Variants in SIK3 observed in about 807,000 individuals in gnomAD.
The protein encoded by SIK3 is serine/threonine-protein kinase SIK3.
Under a neutral mutation model 144.2 loss-of-function variants are expected in SIK3, and 28 were observed. The ratio of observed to expected loss-of-function variants is 0.19; its 90% CI spans 0.14 to 0.27. The LOEUF is 0.27. Among genes scored for constraint, SIK3 ranks in the 10% least tolerant of loss-of-function variants. The pLI, the probability that SIK3 is intolerant of heterozygous loss-of-function variation, is 1.00. For synonymous variants in SIK3, 686 were observed against 676.3 expected (o/e 1.01, Z -0.22); for missense variants, 1,319 against 1,776.0 (o/e 0.74, Z 4.62).
At chr11:116,961,678 A>G (rs1426292700) in intron 1 of SIK3, among the ~76,000 whole-genome samples, 1 of 152,128 alleles carries the variant, frequency 6.6e-6, no homozygotes, top group Admixed American at 6.5e-5. Context: ...CCAAGAGACC[A>G]TATATTTCCT....
intron 21 of SIK3, among the ~76,000 whole-genome samples, chr11:116,856,718 G>A (rs1007831530): frequency 3.3e-5 from 5 of 152,302 alleles, no homozygotes; most frequent in East Asian, 1.9e-4. Context: ...CCCTAAGAGC[G>A]CATAATGAGT....
chr11:117,017,690 T>C (rs1212582546), intron 1 of SIK3, among the ~76,000 whole-genome samples: 1 of 152,100 alleles, frequency 6.6e-6, no homozygotes, highest in Non-Finnish European at 1.5e-5. Flanking sequence ...CCTTTGCACC[T>C]AAAGGAGGTA....
At chr11:116,973,016 T>C (rs546856623) in intron 1 of SIK3, among the ~76,000 whole-genome samples, 4 of 152,228 alleles carry the variant, frequency 2.6e-5, no homozygotes, top group East Asian at 1.9e-4. Context: ...AACAAAAAGC[T>C]GGGATCCTCA....
rs987699590 is a variant in SIK3, at chr11:117,026,649, T to G, written c.274-69585A>C. Among the ~76,000 whole-genome samples, 4 of 152,200 alleles carry G rather than the reference T, an allele frequency of 2.6e-5. No homozygotes were observed. The South Asian group carries it at 6.2e-4, about 24-fold the overall frequency. ...TGAACCTCCAGGTCAGATGTAAATA[T>G]AATTTGATGAAGTCATCTAACCTAC... On this transcript the variant is annotated intron_variant, in intron 1 of 24. Coordinates refer to ENST00000445177, the MANE Select transcript of SIK3 (RefSeq NM_001366686.3).
At chr11:117,011,178 G>A (rs1951237644) in intron 1 of SIK3, among the ~76,000 whole-genome samples, 1 of 151,960 alleles carries the variant, frequency 6.6e-6, no homozygotes, top group South Asian at 2.1e-4. Flanking sequence ...AATTTTAAAA[G>A]AAGAAAAAAG....
rs1051028447 is a variant in SIK3 at position 116,859,174 on chromosome 11, C to T, written c.2765+91G>A. ...AGAGCACAGCCTAGTCAGACCCATT[C>T]TCCTTCCCTCCTTTTCTCTCACTCT... On this transcript the variant is annotated intron_variant, in intron 20 of 24. Coordinates refer to ENST00000445177, the MANE Select transcript of SIK3 (RefSeq NM_001366686.3). 3 of 1,207,894 alleles carry T rather than the reference C, an allele frequency of 2.5e-6. No individual in the cohort carries two copies. The African/African-American group carries it at 4.5e-5, about 18-fold the overall frequency. The allele number at this position is 1,207,894 out of a possible 1,614,324, so 74.8% of individuals were successfully genotyped here.
chr11:116,915,122 A>ATGTGTGTGTGTGTGTG (rs1423283335), intron 4 of SIK3, among the ~76,000 whole-genome samples: 25 of 100,064 alleles, frequency 2.5e-4, no homozygotes, highest in Admixed American at 5.9e-4. Context: ...AGGAAGCCAT[A>ATGTGTGTGTGTGTGTG]TATGTGTGTG....
chr11:117,077,265 A>G (rs558294282), intron 1 of SIK3, among the ~76,000 whole-genome samples: 12 of 152,352 alleles, frequency 7.9e-5, no homozygotes, highest in Non-Finnish European at 1.0e-4. Flanking sequence ...CAAGCAGGTT[A>G]TTTTTGGACC....
chr11:116,876,684 T>C (rs531659514), intron 7 of SIK3, among the ~76,000 whole-genome samples: 2 of 152,318 alleles, frequency 1.3e-5, no homozygotes, highest in East Asian at 3.9e-4. Flanking sequence ...GGCTGTGCTA[T>C]CTCAAAAGCC....
At chr11:116,992,314 G>GCC (rs1337896123) in intron 1 of SIK3, among the ~76,000 whole-genome samples, 1 of 115,302 alleles carries the variant, frequency 8.7e-6, no homozygotes, top group Non-Finnish European at 1.7e-5. Flanking sequence ...AACAGAGCAA[G>GCC]ACCCCCCCCC....
intron 3 of SIK3, among the ~76,000 whole-genome samples, chr11:116,947,120 TATATATA>T (rs1274554712): frequency 1.5e-4 from 1 of 6,896 alleles, no homozygotes; most frequent in African/African-American, 3.6e-4. Flanking sequence ...CAAAAAAATA[TATATATA>T]ATATATAAAT....
intron 1 of SIK3, among the ~76,000 whole-genome samples, chr11:116,979,276 A>G (rs553026600): frequency 3.3e-5 from 5 of 152,220 alleles, no homozygotes; most frequent in African/African-American, 1.2e-4. Context: ...GATCTTTCAT[A>G]TGTTCATGAA....
At chr11:116,940,387 G>A (rs967503765) in intron 3 of SIK3, among the ~76,000 whole-genome samples, 3 of 151,786 alleles carry the variant, frequency 2.0e-5, no homozygotes, top group African/African-American at 7.3e-5. Flanking sequence ...GTGTCACCAC[G>A]CCCAGCTAAT....
At chr11:116,954,697 C>T (rs780864938) in intron 2 of SIK3, among the ~76,000 whole-genome samples, 1 of 152,120 alleles carries the variant, frequency 6.6e-6, no homozygotes, top group Non-Finnish European at 1.5e-5. Context: ...CTTTGTTGCT[C>T]CTTTTTAAAA....
intron 3 of SIK3, among the ~76,000 whole-genome samples, chr11:116,935,247 T>C (rs778653405): frequency 5.3e-5 from 8 of 151,794 alleles, no homozygotes; most frequent in Non-Finnish European, 1.0e-4. Flanking sequence ...GACCCTATCT[T>C]TAAACTATTA....
At chr11:117,083,685 G>C (rs17120317) in intron 1 of SIK3, among the ~76,000 whole-genome samples, 6,870 of 152,304 alleles carry the variant, frequency 0.045, 517 homozygotes, top group African/African-American at 0.16. Flanking sequence ...AGCAGAAAGA[G>C]AGAAGAAATC....
rs1943307395 is a variant in SIK3, at chr11:116,861,288, A to G, written c.2411T>C (p.Met804Thr). 1 of 1,594,366 alleles carries G rather than the reference A, an allele frequency of 6.3e-7. No individual in the cohort carries two copies. Among genetic ancestry groups the G allele is most frequent in the Non-Finnish European group, 8.5e-7 (1 of 1,174,058 alleles). Reference protein sequence around the residue: ...SNSPPPMSSAMIQPHGAASSS... With the variant: ...SNSPPPMSSATIQPHGAASSS... The stretch of plus-strand genomic sequence containing the variant: ...TCTCCACTCACCGTGAGGCTGGATC[A>G]TGGCACTGCTCATGGGGGGAGGACT... The change falls in exon 19 of 25, where the codon ATG (methionine) becomes ACG (threonine). Residue 804 changes from methionine to threonine, a missense_variant. Met to Thr is a moderately conservative substitution (Grantham distance 81). This residue lies in a region of SIK3 where 646 missense variants were observed against 763.7 expected (regional missense o/e 0.85). Coordinates refer to ENST00000445177, the MANE Select transcript of SIK3 (RefSeq NM_001366686.3).
chr11:116,938,597 G>A (rs12793455), intron 3 of SIK3, among the ~76,000 whole-genome samples: 349 of 22,866 alleles, frequency 0.015, 1 homozygote, highest in Middle Eastern at 0.05. Flanking sequence ...AGAGGAGAGG[G>A]GAGGAGAGGA....
intron 1 of SIK3, among the ~76,000 whole-genome samples, chr11:117,072,591 C>T (rs1217906836): frequency 6.6e-6 from 1 of 152,116 alleles, no homozygotes; most frequent in Non-Finnish European, 1.5e-5. Context: ...CTCGCTAATA[C>T]ATATGAAAGA....
Sources: gnomAD v4.1 joint callset for allele counts (sites outside exome capture counted in the v4.1 genomes callset) on GRCh38, gnomAD v4.1.1 for gene constraint, gnomAD v4.1.1 regional missense constraint, MANE v1.5 for transcripts, NCBI Gene and HGNC (gene_info 2026-07-23, HGNC 2026-07-21) for gene names.